Variants in LRMDA observed in about 807,000 individuals in gnomAD.
The protein encoded by LRMDA is leucine rich melanocyte differentiation associated.
In LRMDA, 18 loss-of-function variants were observed where a neutral mutation model predicts 29.8. That is an observed-to-expected ratio of 0.60 (90% confidence interval 0.42 to 0.90). The LOEUF is 0.90. LRMDA is among the 40% of genes least tolerant of loss of function. LRMDA has a pLI of 0.00. For missense variants in LRMDA, 273 were observed against 273.9 expected, an observed-to-expected ratio of 1.00 and a Z score of 0.02; for synonymous variants, 125 against 109.4, an observed-to-expected ratio of 1.14 and a Z score of -0.89.
At chr10:75,730,763 G>GT (rs1225841953) in intron 2 of LRMDA, among the ~76,000 whole-genome samples, 1 of 152,068 alleles carries the variant, frequency 6.6e-6, no homozygotes, top group East Asian at 1.9e-4. Context: ...GGCACCTTGA[G>GT]TTTTTTATAT....
At chr10:76,002,330 G>A (rs1272860854) in intron 2 of LRMDA, among the ~76,000 whole-genome samples, 4 of 152,184 alleles carry the variant, frequency 2.6e-5, no homozygotes, top group African/African-American at 7.2e-5. Flanking sequence ...CACATTGAGG[G>A]CTAGGGATTC....
chr10:75,584,940 T>C (rs1392523853), intron 2 of LRMDA, among the ~76,000 whole-genome samples: 1 of 152,194 alleles, frequency 6.6e-6, no homozygotes, highest in African/African-American at 2.4e-5. Context: ...TGAAGACTAA[T>C]TGCAGACATT....
chr10:75,695,883 G>C (rs1026017647), intron 2 of LRMDA, among the ~76,000 whole-genome samples: 2 of 152,042 alleles, frequency 1.3e-5, no homozygotes, highest in Non-Finnish European at 1.5e-5. Flanking sequence ...TACTCTTACT[G>C]GAAAGGGCCA....
chr10:75,646,169 T>C (rs942526929), intron 2 of LRMDA, among the ~76,000 whole-genome samples: 6 of 152,168 alleles, frequency 3.9e-5, no homozygotes, highest in African/African-American at 1.2e-4. Context: ...TGTCAGCATG[T>C]TTTAGACTGC....
chr10:75,631,399 C>G (rs995245013), intron 2 of LRMDA, among the ~76,000 whole-genome samples: 2 of 149,962 alleles, frequency 1.3e-5, no homozygotes, highest in Non-Finnish European at 2.9e-5. Context: ...GTGAACCTCA[C>G]TGCACCCCCC....
At chr10:76,212,397 T>C (rs1187142740) in intron 5 of LRMDA, among the ~76,000 whole-genome samples, 1 of 152,152 alleles carries the variant, frequency 6.6e-6, no homozygotes, top group Non-Finnish European at 1.5e-5. Flanking sequence ...GTTGGGTCCA[T>C]TTTTCACACT....
rs546158036 is a variant in LRMDA, at chr10:76,558,917, T to A, written c.*1629T>A. 2 of 152,184 alleles carry A rather than the reference T, an allele frequency of 1.3e-5. No individual in the cohort carries two copies. The highest frequency in any genetic ancestry group is 2.9e-5 in the Non-Finnish European group (2 of 68,034). 9.4% of individuals were successfully genotyped at this position (152,184 alleles called of 1,614,324 possible). ...CTCAAAACCATGAAAAATTGGAGAA[T>A]GTTGAATGTTTGCATTTATCTCTCA... is the stretch of plus-strand genomic sequence containing the variant. On this transcript the variant is annotated 3_prime_UTR_variant, in exon 7 of 7. Coordinates refer to ENST00000611255, the MANE Select transcript of LRMDA (RefSeq NM_001305581.2).
chr10:75,452,277 G>A (rs1434675669), intron 2 of LRMDA, among the ~76,000 whole-genome samples: 1 of 152,102 alleles, frequency 6.6e-6, no homozygotes, highest in African/African-American at 2.4e-5. Context: ...ATTTTGAGCT[G>A]GTTTATTCTG....
chr10:76,249,686 A>AT (rs1280759411), intron 5 of LRMDA, among the ~76,000 whole-genome samples: 2 of 152,310 alleles, frequency 1.3e-5, no homozygotes, highest in East Asian at 3.9e-4. Flanking sequence ...ATCACTTAAT[A>AT]TTTTTTAATA....
intron 2 of LRMDA, among the ~76,000 whole-genome samples, chr10:75,753,654 A>G (rs1204635209): frequency 6.6e-6 from 1 of 152,216 alleles, no homozygotes; most frequent in East Asian, 1.9e-4. Flanking sequence ...GGTTGAGCCT[A>G]GAAAGGAGTT....
intron 6 of LRMDA, chr10:76,437,314 G>T (rs1035912988): frequency 1.3e-5 from 2 of 152,130 alleles, no homozygotes; most frequent in African/African-American, 4.8e-5. Flanking sequence ...AAAGGAAACT[G>T]GAGATTATCT....
chr10:75,530,422 C>T (rs1336315996), intron 2 of LRMDA, among the ~76,000 whole-genome samples: 1 of 152,122 alleles, frequency 6.6e-6, no homozygotes, highest in Non-Finnish European at 1.5e-5. Flanking sequence ...CATGGAGCAC[C>T]TTGGGTCAGT....
intron 6 of LRMDA, among the ~76,000 whole-genome samples, chr10:76,377,495 A>G (rs548470836): frequency 6.6e-6 from 1 of 152,184 alleles, no homozygotes; most frequent in Non-Finnish European, 1.5e-5. Flanking sequence ...GTTTTTGCTA[A>G]GTTTTCTTCT....
At chr10:75,707,585 T>C (rs1213159293) in intron 2 of LRMDA, among the ~76,000 whole-genome samples, 2 of 152,182 alleles carry the variant, frequency 1.3e-5, no homozygotes, top group African/African-American at 4.8e-5. Flanking sequence ...TCAGCCTTCA[T>C]CTTGCCTGGG....
intron 6 of LRMDA, among the ~76,000 whole-genome samples, chr10:76,443,596 T>C (rs942884976): frequency 2.6e-5 from 4 of 152,212 alleles, no homozygotes; most frequent in Non-Finnish European, 4.4e-5. Context: ...CTTTGCTAGC[T>C]ATCAATACAG....
At chr10:76,015,248 C>A (rs547100128) in intron 2 of LRMDA, among the ~76,000 whole-genome samples, 2 of 152,312 alleles carry the variant, frequency 1.3e-5, no homozygotes. Flanking sequence ...CTTCTGTGGG[C>A]CAAGAGTTTG....
chr10:76,223,638 T>C (rs1851891051), intron 5 of LRMDA, among the ~76,000 whole-genome samples: 1 of 151,600 alleles, frequency 6.6e-6, no homozygotes, highest in South Asian at 2.1e-4. Context: ...TGCTCTCTTT[T>C]GGCCCTGTGA....
chr10:75,723,270 C>G (rs1404558853), intron 2 of LRMDA, among the ~76,000 whole-genome samples: 1 of 152,136 alleles, frequency 6.6e-6, no homozygotes, highest in Non-Finnish European at 1.5e-5. Context: ...AGCTGGAATC[C>G]CACCATGAAT....
chr10:76,022,691 C>A lies in LRMDA; in HGVS notation c.132-13317C>A, dbSNP rs563319160. ...TAGGAAAGCCTTCCCCACCAGGCCT[C>A]ACTGCTCCACCAGCTCCATGTGGGC... On this transcript the variant is annotated intron_variant, in intron 2 of 6. Coordinates refer to ENST00000611255, the MANE Select transcript of LRMDA (RefSeq NM_001305581.2). Among the ~76,000 whole-genome samples the A allele has an allele frequency of 6.6e-5, 10 of 152,252 alleles. No individual in the cohort carries two copies. The South Asian group carries it at 2.1e-3, about 32-fold the overall frequency.
Sources: gnomAD v4.1 joint callset for allele counts (sites outside exome capture counted in the v4.1 genomes callset) on GRCh38, gnomAD v4.1.1 for gene constraint, MANE v1.5 for transcripts, NCBI Gene and HGNC (gene_info 2026-07-23, HGNC 2026-07-21) for gene names.